ZNF385D: variants seen among roughly 807,000 people sequenced by gnomAD.
The protein encoded by ZNF385D is zinc finger protein 385D, also known as zinc finger protein 659.
A neutral mutation model predicts 35.8 loss-of-function variants in ZNF385D; 15 were observed. That is an observed-to-expected ratio of 0.42 (90% CI 0.28 to 0.64). The LOEUF is 0.64. ZNF385D is among the 30% of genes least tolerant of loss of function. The probability of loss-of-function intolerance (pLI) is 0.23; values close to 1 mark genes in which losing one functional copy is unlikely to be tolerated. For missense variants in ZNF385D, 474 were observed against 494.6 expected (o/e 0.96, Z 0.39); for synonymous variants, 212 against 186.8 (o/e 1.13, Z -1.10).
chr3:21,740,205 C>T (rs965863627), intron 1 of ZNF385D, among the ~76,000 whole-genome samples: 3 of 152,122 alleles, frequency 2.0e-5, no homozygotes, highest in African/African-American at 7.2e-5. Context: ...AATAAGTATA[C>T]TAAGGTTGGA....
chr3:21,437,861 T>C (rs1028274307), intron 4 of ZNF385D, among the ~76,000 whole-genome samples: 4 of 152,150 alleles, frequency 2.6e-5, no homozygotes, highest in Non-Finnish European at 4.4e-5. Flanking sequence ...AGCATATCTA[T>C]TAAATACATG....
intron 2 of ZNF385D, among the ~76,000 whole-genome samples, chr3:21,604,740 G>C (rs2064425170): frequency 1.3e-5 from 2 of 152,272 alleles, no homozygotes; most frequent in African/African-American, 4.8e-5. Flanking sequence ...AGTGAACAGT[G>C]AGTAGGTGGT....
intron 2 of ZNF385D, among the ~76,000 whole-genome samples, chr3:22,232,720 A>C (rs80293440): frequency 0.06 from 9,091 of 152,232 alleles, 342 homozygotes; most frequent in East Asian, 0.13. Context: ...AGATGAACTC[A>C]TCCTTTTTAA....
chr3:21,937,374 C>G (rs1252352884), intron 3 of ZNF385D, among the ~76,000 whole-genome samples: 1 of 152,138 alleles, frequency 6.6e-6, no homozygotes, highest in Non-Finnish European at 1.5e-5. Flanking sequence ...ATGACTTTTA[C>G]AGTTATTTGC....
chr3:21,738,396 A>G (rs1001747640), intron 1 of ZNF385D, among the ~76,000 whole-genome samples: 1 of 152,198 alleles, frequency 6.6e-6, no homozygotes, highest in African/African-American at 2.4e-5. Context: ...AGGAATACTG[A>G]TAATTCTTCC....
chr3:22,083,304 C>G (rs879871752), intron 3 of ZNF385D, among the ~76,000 whole-genome samples: 1 of 152,130 alleles, frequency 6.6e-6, no homozygotes, highest in African/African-American at 2.4e-5. Context: ...GGAGGATGTT[C>G]GAACCCATCG....
At chr3:22,268,506 A>G (rs1701010497) in intron 2 of ZNF385D, among the ~76,000 whole-genome samples, 1 of 152,020 alleles carries the variant, frequency 6.6e-6, no homozygotes. Context: ...TCAGAGGGTC[A>G]CTGCCACAAC....
chr3:21,919,939 C>T (rs538313959), intron 3 of ZNF385D, among the ~76,000 whole-genome samples: 1 of 152,286 alleles, frequency 6.6e-6, no homozygotes, highest in South Asian at 2.1e-4. Flanking sequence ...ACTCTAAGCT[C>T]CCTCTATAAG....
chr3:21,744,975 G>T (rs957842295), intron 1 of ZNF385D, among the ~76,000 whole-genome samples: 4 of 152,170 alleles, frequency 2.6e-5, no homozygotes, highest in Non-Finnish European at 5.9e-5. Flanking sequence ...CGTGGAGGAA[G>T]TGGATTCCCT....
At chr3:22,047,822 T>C (rs1024877710) in intron 3 of ZNF385D, among the ~76,000 whole-genome samples, 3 of 152,164 alleles carry the variant, frequency 2.0e-5, no homozygotes, top group African/African-American at 7.2e-5. Context: ...GGAATTTTCA[T>C]ACTGTTTTCC....
At chr3:21,452,917 A>G (rs1467780758) in intron 4 of ZNF385D, among the ~76,000 whole-genome samples, 2 of 151,970 alleles carry the variant, frequency 1.3e-5, no homozygotes, top group African/African-American at 2.4e-5. Context: ...GAAAAAGAAG[A>G]ATAAAGTTAG....
At chr3:22,083,304 C>T (rs879871752) in intron 3 of ZNF385D, among the ~76,000 whole-genome samples, 14 of 152,130 alleles carry the variant, frequency 9.2e-5, no homozygotes, top group Non-Finnish European at 1.8e-4. Flanking sequence ...GGAGGATGTT[C>T]GAACCCATCG....
At chr3:21,860,430 C>T (rs1396406082) in intron 3 of ZNF385D, among the ~76,000 whole-genome samples, 2 of 152,054 alleles carry the variant, frequency 1.3e-5, no homozygotes, top group Non-Finnish European at 2.9e-5. Flanking sequence ...AATATGTTTG[C>T]CAAGCAAGTT....
intron 2 of ZNF385D, among the ~76,000 whole-genome samples, chr3:22,226,276 C>T (rs1002642208): frequency 6.6e-6 from 1 of 151,994 alleles, no homozygotes; most frequent in African/African-American, 2.4e-5. Flanking sequence ...AAGTTCTCAA[C>T]AGAGATAAAC....
At position 21,993,804 on chromosome 3, in the gene ZNF385D, G is replaced by A. The variant is rs182458527; in HGVS notation, c.325+175013C>T. 7.9e-5 allele frequency among the ~76,000 whole-genome samples: 12 copies of A among 152,214 alleles called. No homozygotes were observed. The East Asian group carries it at 9.7e-4, about 12-fold the overall frequency. On this transcript the variant is annotated intron_variant, in intron 3 of 5. Coordinates refer to the ZNF385D transcript ENST00000494108. ...GGACACTGTCAAGACCACATATAGCGTCCTTACTCATACATAATGTTTCAG... is the reference window on the plus strand; with the variant it reads ...GGACACTGTCAAGACCACATATAGCATCCTTACTCATACATAATGTTTCAG...
At chr3:21,867,560 T>A (rs983278427) in intron 3 of ZNF385D, among the ~76,000 whole-genome samples, 2 of 152,204 alleles carry the variant, frequency 1.3e-5, no homozygotes, top group Non-Finnish European at 2.9e-5. Flanking sequence ...TGATTTACTC[T>A]ATTTGCATCT....
At chr3:21,660,276 A>C (rs1017508326) in intron 2 of ZNF385D, among the ~76,000 whole-genome samples, 1 of 143,388 alleles carries the variant, frequency 7.0e-6, no homozygotes, top group African/African-American at 3.0e-5. Flanking sequence ...TAGCTAAAGC[A>C]AAAGTTATCC....
chr3:22,125,471 A>G (rs553899621), intron 3 of ZNF385D, among the ~76,000 whole-genome samples: 16 of 152,250 alleles, frequency 1.1e-4, no homozygotes, highest in Middle Eastern at 3.4e-3. Context: ...TATTCTGACA[A>G]GGATTGCATT....
At chr3:22,318,359 C>T (rs564127845) in intron 2 of ZNF385D, among the ~76,000 whole-genome samples, 36 of 152,018 alleles carry the variant, frequency 2.4e-4, no homozygotes, top group African/African-American at 8.2e-4. Context: ...GAAAGGAAAA[C>T]CATGAAGAGA....
Sources: gnomAD v4.1 joint callset for allele counts (sites outside exome capture counted in the v4.1 genomes callset) on GRCh38, gnomAD v4.1.1 for gene constraint, MANE v1.5 for transcripts, NCBI Gene and HGNC (gene_info 2026-07-23, HGNC 2026-07-21) for gene names.